Variants in ERI3 observed in about 807,000 individuals in gnomAD.
The protein encoded by ERI3 is ERI1 exoribonuclease 3.
ERI3 carries 18 observed loss-of-function variants against 44.4 expected under a neutral mutation model. That is an observed-to-expected ratio of 0.41 (90% confidence interval 0.28 to 0.60). The LOEUF (loss-of-function observed/expected upper bound fraction) is 0.60, where lower values mean the gene tolerates loss of function less well. Among genes scored for constraint, ERI3 ranks in the 20% least tolerant of loss-of-function variants. The pLI is 0.36. For missense variants in ERI3, 294 were observed against 435.5 expected, an observed-to-expected ratio of 0.68 and a Z score of 2.89; for synonymous variants, 183 against 164.8, an observed-to-expected ratio of 1.11 and a Z score of -0.84.
At chr1:44,351,714 C>T (rs752950722) in intron 2 of ERI3, among the ~76,000 whole-genome samples, 5 of 152,232 alleles carry the variant, frequency 3.3e-5, no homozygotes, top group Non-Finnish European at 7.3e-5. Flanking sequence ...TTAGCTCCTG[C>T]TTCATCTCTC....
At chr1:44,271,132 C>T (rs1476621526) in intron 7 of ERI3, among the ~76,000 whole-genome samples, 2 of 152,192 alleles carry the variant, frequency 1.3e-5, no homozygotes, top group East Asian at 3.9e-4. Flanking sequence ...GCTACTGTAC[C>T]ACTCTTAGAA....
At chr1:44,262,455 G>A (rs906695221) in intron 7 of ERI3, among the ~76,000 whole-genome samples, 9 of 152,282 alleles carry the variant, frequency 5.9e-5, no homozygotes, top group Non-Finnish European at 1.2e-4. Flanking sequence ...CACTCCCCTG[G>A]GAATCTGTCT....
chr1:44,221,425 G>T lies in ERI3; in HGVS notation c.*133C>A. The T allele has an allele frequency of 1.3e-6, 1 of 744,568 alleles. No individual in the cohort carries two copies. Among genetic ancestry groups the T allele is most frequent in the South Asian group, 1.8e-5 (1 of 56,636 alleles). 46.1% of individuals were successfully genotyped at this position (744,568 alleles called of 1,614,324 possible). On this transcript the variant is annotated 3_prime_UTR_variant, in exon 9 of 9. Coordinates refer to ENST00000372257, the MANE Select transcript of ERI3 (RefSeq NM_024066.3). The surrounding 1 kb of genome is among the most constrained non-coding windows in gnomAD (Gnocchi z 5.9). ...GCACAAGCCCACGCCAAGGGCATGA[G>T]CCCACAGGGCAGCTGGGGACACTCT...
At chr1:44,234,580 A>G (rs1035617591) in intron 8 of ERI3, among the ~76,000 whole-genome samples, 1 of 151,938 alleles carries the variant, frequency 6.6e-6, no homozygotes, top group African/African-American at 2.4e-5. Context: ...AATCACTTGA[A>G]AACAGGAGGC....
At chr1:44,265,113 C>T (rs981919699) in intron 7 of ERI3, among the ~76,000 whole-genome samples, 1 of 150,216 alleles carries the variant, frequency 6.7e-6, no homozygotes, top group African/African-American at 2.5e-5. Context: ...TCCAGCCCTC[C>T]ATGCTTAAAA....
chr1:44,243,621 G>A (rs2154317718), intron 8 of ERI3: 1 of 152,286 alleles, frequency 6.6e-6, no homozygotes, highest in Admixed American at 6.5e-5. Flanking sequence ...GTAGAGAACT[G>A]AAATCACAAA....
chr1:44,354,120 A>G (rs1646949657), intron 1 of ERI3: 1 of 985,370 alleles, frequency 1.0e-6, no homozygotes, highest in Admixed American at 6.1e-5. Context: ...GAAACTCTAC[A>G]ATCAAAACTC....
chr1:44,332,162 G>A (rs778300019), intron 3 of ERI3, among the ~76,000 whole-genome samples: 13 of 151,994 alleles, frequency 8.6e-5, no homozygotes, highest in South Asian at 2.1e-4. Context: ...TGACTTAGGC[G>A]GTTTTTTTAT....
At chr1:44,322,741 G>C (rs1427284529) in intron 3 of ERI3, 5 of 1,549,522 alleles carry the variant, frequency 3.2e-6, no homozygotes, top group African/African-American at 2.7e-5. Flanking sequence ...ATATTGCCCA[G>C]CCAGTACTTC....
intron 7 of ERI3, among the ~76,000 whole-genome samples, chr1:44,271,036 G>C (rs138346689): frequency 4.6e-5 from 7 of 152,154 alleles, no homozygotes; most frequent in African/African-American, 1.4e-4. Flanking sequence ...TATGCTAAAA[G>C]GTAGGGTGGC....
intron 4 of ERI3, among the ~76,000 whole-genome samples, chr1:44,313,569 T>C (rs1162086154): frequency 6.6e-6 from 1 of 152,204 alleles, no homozygotes. Flanking sequence ...TTGTATTCAA[T>C]AGGCTCAATA....
At chr1:44,312,311 A>T (rs991625935) in intron 5 of ERI3, among the ~76,000 whole-genome samples, 12 of 152,178 alleles carry the variant, frequency 7.9e-5, no homozygotes, top group Non-Finnish European at 1.3e-4. Context: ...GTCTTAAAAA[A>T]TAAATAAAGC....
chr1:44,250,178 C>T (rs1644645986), intron 7 of ERI3, among the ~76,000 whole-genome samples: 1 of 152,206 alleles, frequency 6.6e-6, no homozygotes, highest in African/African-American at 2.4e-5. Context: ...TGCTTTATCC[C>T]AGCCCATCAA....
chr1:44,252,270 G>T lies in ERI3; in HGVS notation c.832-4232C>A, dbSNP rs968814627. On this transcript the variant is annotated intron_variant, in intron 7 of 8. Coordinates refer to ENST00000372257, the MANE Select transcript of ERI3 (RefSeq NM_024066.3). This position sits in a 1 kb window ranked among gnomAD's most constrained non-coding sequence, Gnocchi z 4.7. ...CTGTGCCAGGCAGGCACGCACACAC[G>T]CTTCCCTTCCCCTGGGCTGCTGCAA... Among the ~76,000 whole-genome samples, 1 of 152,212 alleles carries T rather than the reference G, an allele frequency of 6.6e-6. No individual in the cohort carries two copies. Among genetic ancestry groups the T allele is most frequent in the Non-Finnish European group, 1.5e-5 (1 of 68,028 alleles).
intron 6 of ERI3, among the ~76,000 whole-genome samples, chr1:44,306,954 T>A (rs325145): frequency 5.3e-5 from 8 of 152,006 alleles, no homozygotes; most frequent in African/African-American, 1.2e-4. Flanking sequence ...CTTTAAGGAC[T>A]CAAAGCTGCC....
chr1:44,258,640 C>T (rs568100792), intron 7 of ERI3, among the ~76,000 whole-genome samples: 1 of 152,288 alleles, frequency 6.6e-6, no homozygotes, highest in East Asian at 1.9e-4. Context: ...TGCAAAACAA[C>T]ACTGAAGGAA....
intron 2 of ERI3, among the ~76,000 whole-genome samples, chr1:44,340,293 G>C (rs760245212): frequency 1.1e-4 from 17 of 151,912 alleles, no homozygotes; most frequent in Middle Eastern, 3.4e-3. Context: ...TCCTTAAAAA[G>C]AAAAAAGGAA....
chr1:44,304,209 T>C (rs1645786377), intron 6 of ERI3, among the ~76,000 whole-genome samples: 1 of 152,100 alleles, frequency 6.6e-6, no homozygotes, highest in Non-Finnish European at 1.5e-5. Context: ...ATGAGCCCGA[T>C]TTCTTTTCTC....
intron 5 of ERI3, among the ~76,000 whole-genome samples, chr1:44,310,969 A>ACGCGCGCGCG (rs1325784183): frequency 5.7e-5 from 5 of 88,408 alleles, no homozygotes; most frequent in Non-Finnish European, 1.2e-4. Context: ...GCGCGCACAC[A>ACGCGCGCGCG]CACACACACA....
Sources: allele counts gnomAD v4.1 joint callset (sites outside exome capture counted in the v4.1 genomes callset), GRCh38; gene constraint gnomAD v4.1.1; non-coding constraint Gnocchi (gnomAD v3.1); transcripts MANE v1.5; gene names NCBI Gene and HGNC (gene_info 2026-07-23, HGNC 2026-07-21).